Variants in ATXN2 observed in about 807,000 individuals in gnomAD.
The protein encoded by ATXN2 is ataxin 2.
ATXN2 carries 37 observed loss-of-function variants against 138.6 expected under a neutral mutation model. The ratio of observed to expected loss-of-function variants is 0.27; its 90% CI spans 0.21 to 0.35. ATXN2 has a LOEUF of 0.35. Ranked by LOEUF, ATXN2 falls within the 10% of genes least tolerant of loss-of-function variation. ATXN2 has a pLI of 1.00. For missense variants in ATXN2, 1,216 were observed against 1,480.3 expected, an observed-to-expected ratio of 0.82 and a Z score of 2.93; for synonymous variants, 549 against 543.7, an observed-to-expected ratio of 1.01 and a Z score of -0.13.
At position 111,552,909 on chromosome 12, in the gene ATXN2, C is replaced by T. The variant is rs947172804; in HGVS notation, c.417G>A (p.Pro139=). Residue 139 remains proline (P), a synonymous_variant, in exon 4 of 25, where the codon CCG becomes CCA. Transcript: ENST00000673436. The surrounding 1 kb of genome is among the most constrained non-coding windows in gnomAD (Gnocchi z 4.1). ...IYEGVFKTYS[P]KCDLVLDAAH... is the part of the protein sequence containing the mutation. ...AAAGAAAAAAAGTAAAAATTACCTTCGGACTGTAAGTTTTAAAAACTCCTT... is the reference window on the plus strand; with the variant it reads ...AAAGAAAAAAAGTAAAAATTACCTTTGGACTGTAAGTTTTAAAAACTCCTT... The T allele has an allele frequency of 9.1e-6, 14 of 1,542,800 alleles. No homozygotes were observed. In the East Asian group the frequency reaches 9.6e-5, roughly 11 times the overall value.
At chr12:111,527,995 C>T (rs1472870493) in intron 5 of ATXN2, among the ~76,000 whole-genome samples, 2 of 152,170 alleles carry the variant, frequency 1.3e-5, no homozygotes, top group Non-Finnish European at 2.9e-5. Flanking sequence ...CTTTAATTCT[C>T]ACAACACTAG....
chr12:111,520,187 GAAACTAAAACTA>G (rs539685628), intron 7 of ATXN2, 111 bp from the exon 8 acceptor site: 10 of 1,344,444 alleles, frequency 7.4e-6, no homozygotes, highest in South Asian at 1.4e-5. Context: ...GGTAAAAACA[GAAACTAAAACTA>G]AAACTAAAAC....
At chr12:111,540,365 T>G (rs1038372961) in intron 5 of ATXN2, among the ~76,000 whole-genome samples, 2 of 150,590 alleles carry the variant, frequency 1.3e-5, no homozygotes, top group Admixed American at 6.6e-5. Context: ...CTTTACCTAA[T>G]AGAGAGTTTA....
At chr12:111,522,796 C>T (rs887307924) in intron 6 of ATXN2, among the ~76,000 whole-genome samples, 2 of 151,964 alleles carry the variant, frequency 1.3e-5, no homozygotes, top group Non-Finnish European at 2.9e-5. Flanking sequence ...CGCTTGTAGT[C>T]CCAGCTACTC....
chr12:111,563,652 G>A (rs1042400934), intron 1 of ATXN2, among the ~76,000 whole-genome samples: 37 of 152,146 alleles, frequency 2.4e-4, no homozygotes, highest in African/African-American at 8.7e-4. Context: ...GAATACAGGT[G>A]AGATATATAG....
chr12:111,542,633 A>G (rs1331556991), intron 5 of ATXN2, among the ~76,000 whole-genome samples: 1 of 152,038 alleles, frequency 6.6e-6, no homozygotes, highest in African/African-American at 2.4e-5. Flanking sequence ...CACCCGGCTA[A>G]TTTTTGTACT....
chr12:111,470,887 TG>T (rs1876370978), intron 18 of ATXN2, 145 bp from the exon 19 acceptor site: 3 of 818,308 alleles, frequency 3.7e-6, no homozygotes, highest in Non-Finnish European at 5.8e-6. Flanking sequence ...TCTGCCACTC[TG>T]GGTTATTTTC....
At chr12:111,594,075 T>C (rs892252376) in intron 1 of ATXN2, among the ~76,000 whole-genome samples, 5 of 152,196 alleles carry the variant, frequency 3.3e-5, no homozygotes, top group African/African-American at 7.2e-5. Context: ...TCTAATTCCA[T>C]AGCTCTTATA....
At position 111,552,939 on chromosome 12, in the gene ATXN2, T is replaced by A. The variant is rs1882196890; in HGVS notation, c.387A>T (p.Ile129=). 1.9e-6 allele frequency: 3 copies of A among 1,565,008 alleles called. No individual in the cohort carries two copies. The highest frequency in any genetic ancestry group is 2.6e-6 in the Non-Finnish European group (3 of 1,162,574). Residue 129 remains isoleucine, a synonymous_variant, in exon 4 of 25, where the codon ATA becomes ATT. Transcript: ENST00000673436. The surrounding 1 kb of genome is among the most constrained non-coding windows in gnomAD (Gnocchi z 4.1). ...KCEVQVKNGG[I]YEGVFKTYSP... is the part of the protein sequence containing the mutation. ...TGTAAGTTTTAAAAACTCCTTCATA[T>A]ATACCTCCATTTTTCACTTGTACTT...
intron 5 of ATXN2, among the ~76,000 whole-genome samples, chr12:111,547,167 G>A (rs536160180): frequency 6.6e-6 from 1 of 152,328 alleles, no homozygotes; most frequent in African/African-American, 2.4e-5. Flanking sequence ...GGTGGCTCAC[G>A]CCTGTAATCC....
At chr12:111,498,999 A>C (rs1029395818) in intron 14 of ATXN2, among the ~76,000 whole-genome samples, 1 of 152,226 alleles carries the variant, frequency 6.6e-6, no homozygotes, top group African/African-American at 2.4e-5. Flanking sequence ...ATCCATATGC[A>C]GAAGAATGAA....
At chr12:111,493,849 G>A (rs1878216899) in intron 14 of ATXN2, among the ~76,000 whole-genome samples, 1 of 152,066 alleles carries the variant, frequency 6.6e-6, no homozygotes, top group Admixed American at 6.6e-5. Flanking sequence ...GGCTGGTCTC[G>A]AACTCCTAAC....
intron 5 of ATXN2, among the ~76,000 whole-genome samples, chr12:111,533,632 T>C (rs576274670): frequency 6.6e-6 from 1 of 152,184 alleles, no homozygotes; most frequent in Admixed American, 6.5e-5. Context: ...TTCAAGCAAA[T>C]TGCTTGTCTC....
At chr12:111,507,658 T>C (rs1011256831) in intron 14 of ATXN2, among the ~76,000 whole-genome samples, 1 of 152,100 alleles carries the variant, frequency 6.6e-6, no homozygotes, top group Non-Finnish European at 1.5e-5. Flanking sequence ...GTCTGGGAGG[T>C]GTACCCAACA....
intron 1 of ATXN2, among the ~76,000 whole-genome samples, chr12:111,582,986 T>G (rs980041456): frequency 3.0e-5 from 3 of 99,982 alleles, no homozygotes; most frequent in African/African-American, 8.5e-5. Flanking sequence ...AGTTTTTTTT[T>G]TTGTTTGTTT....
chr12:111,460,040 A>C (rs1381588992), intron 21 of ATXN2, among the ~76,000 whole-genome samples: 4 of 152,094 alleles, frequency 2.6e-5, no homozygotes, highest in Admixed American at 6.5e-5. Flanking sequence ...TTGAATAATA[A>C]AAAAGCCACA....
chr12:111,463,168 T>C (rs1038373273), intron 21 of ATXN2, among the ~76,000 whole-genome samples: 1 of 152,192 alleles, frequency 6.6e-6, no homozygotes, highest in East Asian at 1.9e-4. Flanking sequence ...AAAATTTGAA[T>C]CCTTAATATC....
At chr12:111,513,155 A>G (rs189165020) in intron 11 of ATXN2, 10 of 553,398 alleles carry the variant, frequency 1.8e-5, no homozygotes, top group Non-Finnish European at 3.0e-5. Context: ...TCAACTTCAG[A>G]ATGAGTGTCT....
upstream of ATXN2, chr12:111,599,366 T>TACGGTCCCGGGGCC (rs1885147595): frequency 8.7e-7 from 1 of 1,148,254 alleles, no homozygotes; most frequent in Non-Finnish European, 1.1e-6. Flanking sequence ...GGCGGAGGGA[T>TACGGTCCCGGGGCC]ACGGTCCCGG....
Sources: allele counts gnomAD v4.1 joint callset (sites outside exome capture counted in the v4.1 genomes callset), GRCh38; gene constraint gnomAD v4.1.1; non-coding constraint Gnocchi (gnomAD v3.1); transcripts MANE v1.5; gene names NCBI Gene and HGNC (gene_info 2026-07-23, HGNC 2026-07-21).